Variants in CPA6 observed in about 807,000 individuals in gnomAD.
The protein encoded by CPA6 is carboxypeptidase A6, also known as carboxypeptidase B.
Under a neutral mutation model 63.3 loss-of-function variants are expected in CPA6, and 58 were observed. That is an observed-to-expected ratio of 0.92 (90% CI 0.74 to 1.14). The LOEUF (loss-of-function observed/expected upper bound fraction) is 1.14. CPA6 is among the 50% of genes most tolerant of loss of function. CPA6 has a pLI of 0.00. For missense variants in CPA6, 565 were observed against 526.6 expected, an observed-to-expected ratio of 1.07 and a Z score of -0.71; for synonymous variants, 185 against 179.0, an observed-to-expected ratio of 1.03 and a Z score of -0.27.
chr8:67,736,176 T>C (rs963224200), intron 1 of CPA6, among the ~76,000 whole-genome samples: 4 of 152,182 alleles, frequency 2.6e-5, no homozygotes, highest in African/African-American at 9.7e-5. Flanking sequence ...CTGTGGTCTT[T>C]CCTTTATCAC....
In CPA6 at chr8:67,471,959, C is replaced by T. The variant is rs537880967; in HGVS notation, c.838+11809G>A. ...AGCACTTATATAGGCATGAAATTTA[C>T]GAAAATAAAAAATAGCATGACTTCT... On this transcript the variant is annotated intron_variant, in intron 8 of 10. Transcript: ENST00000297770. Among the ~76,000 whole-genome samples the T allele has an allele frequency of 1.7e-4, 26 of 151,848 alleles. No individual in the cohort carries two copies. In the East Asian group the frequency reaches 2.3e-3, roughly 14 times the overall value.
rs555013497 is a variant in CPA6, at chr8:67,525,336, A to C, written c.193-7289T>G. ...CATTAAAGAAAAATGAAAATATATC[A>C]ACTAACAACTAATTAGGCGTTGAAA... On this transcript the variant is annotated intron_variant, in intron 2 of 10. Transcript: ENST00000297770. Among the ~76,000 whole-genome samples the C allele has an allele frequency of 5.9e-5, 9 of 152,354 alleles. No individual in the cohort carries two copies. The South Asian group carries it at 1.7e-3, about 28-fold the overall frequency.
intron 2 of CPA6, among the ~76,000 whole-genome samples, chr8:67,559,051 G>C (rs1813136882): frequency 6.6e-6 from 1 of 152,178 alleles, no homozygotes; most frequent in Non-Finnish European, 1.5e-5. Flanking sequence ...TGGGGCCCAT[G>C]TGAATCAGAG....
chr8:67,722,308 G>A (rs1229768430), intron 1 of CPA6, among the ~76,000 whole-genome samples: 2 of 152,114 alleles, frequency 1.3e-5, no homozygotes, highest in African/African-American at 2.4e-5. Flanking sequence ...AGAACCACCT[G>A]GTAATCACTG....
chr8:67,573,031 A>C (rs930523229), intron 2 of CPA6, among the ~76,000 whole-genome samples: 2 of 152,258 alleles, frequency 1.3e-5, no homozygotes, highest in Non-Finnish European at 2.9e-5. Context: ...AAGCATGATT[A>C]TTTCTTTAAA....
chr8:67,644,593 T>C (rs450738), intron 1 of CPA6, among the ~76,000 whole-genome samples: 57,339 of 152,096 alleles, frequency 0.38, 11,179 homozygotes, highest in South Asian at 0.48. Flanking sequence ...GTTCTTGCTG[T>C]TAGATATACA....
intron 8 of CPA6, among the ~76,000 whole-genome samples, chr8:67,437,633 A>G (rs1810191790): frequency 6.6e-6 from 1 of 152,204 alleles, no homozygotes; most frequent in Admixed American, 6.5e-5. Context: ...AAATAGGGAC[A>G]AGGAGTTATA....
rs1244793941 is a variant in CPA6 at position 67,518,494 on chromosome 8, TTTTTC to T, written c.193-452_193-448del. ...TCTCTCATTCTTGGTCTTTTTTTTCTTTTTCTTTTCTTTTCTTTTTTTTTTTTTTT... is the reference window on the plus strand; with the variant it reads ...TCTCTCATTCTTGGTCTTTTTTTTCTTTTTCTTTTCTTTTTTTTTTTTTTT... On this transcript the variant is annotated intron_variant, in intron 2 of 10. Transcript: ENST00000297770. 4.1e-5 allele frequency among the ~76,000 whole-genome samples: 6 copies of T among 146,380 alleles called. No individual in the cohort carries two copies. The East Asian group carries it at 6.0e-4, about 15-fold the overall frequency.
intron 2 of CPA6, among the ~76,000 whole-genome samples, chr8:67,599,653 T>C (rs575210537): frequency 3.3e-5 from 5 of 152,230 alleles, no homozygotes; most frequent in Non-Finnish European, 7.3e-5. Context: ...TTGGTAAGAA[T>C]TTGAAAGCTC....
chr8:67,455,463 T>C (rs1810650403), intron 8 of CPA6, among the ~76,000 whole-genome samples: 1 of 151,994 alleles, frequency 6.6e-6, no homozygotes, highest in Non-Finnish European at 1.5e-5. Context: ...TAATATACTT[T>C]TGTAAAGAAG....
intron 8 of CPA6, among the ~76,000 whole-genome samples, chr8:67,475,818 C>CTTTCCTTTCT (rs1811181123): frequency 7.3e-5 from 2 of 27,394 alleles, no homozygotes. Flanking sequence ...TCTTTCTTTC[C>CTTTCCTTTCT]TTTCTTTTCT....
chr8:67,558,949 CTTCTT>C (rs1362707207), intron 2 of CPA6, among the ~76,000 whole-genome samples: 1 of 152,160 alleles, frequency 6.6e-6, no homozygotes, highest in Admixed American at 6.5e-5. Context: ...TTGGTGAAAT[CTTCTT>C]TTAACAAAGC....
intron 2 of CPA6, among the ~76,000 whole-genome samples, chr8:67,559,843 G>A (rs1359601854): frequency 8.4e-6 from 1 of 119,608 alleles, no homozygotes; most frequent in Non-Finnish European, 1.9e-5. Context: ...CTGCTAATAA[G>A]TTGGACAAAA....
intron 2 of CPA6, among the ~76,000 whole-genome samples, chr8:67,591,937 A>G (rs372562676): frequency 9.1e-4 from 138 of 152,196 alleles, no homozygotes; most frequent in African/African-American, 3.0e-3. Flanking sequence ...AATAGGAGTG[A>G]TGAGAGAGGG....
chr8:67,596,173 C>T (rs186394558), intron 2 of CPA6, among the ~76,000 whole-genome samples: 146 of 152,244 alleles, frequency 9.6e-4, no homozygotes, highest in African/African-American at 3.2e-3. Flanking sequence ...TACCTTCTCC[C>T]GAGGAACACC....
intron 2 of CPA6, among the ~76,000 whole-genome samples, chr8:67,566,843 T>C (rs1203025308): frequency 4.6e-5 from 7 of 152,220 alleles, no homozygotes; most frequent in Non-Finnish European, 1.0e-4. Context: ...TTAATATTCA[T>C]GTACTGCAGA....
chr8:67,431,024 G>C (rs778736313), intron 9 of CPA6, among the ~76,000 whole-genome samples: 27 of 152,024 alleles, frequency 1.8e-4, no homozygotes, highest in Non-Finnish European at 3.4e-4. Context: ...ACTATGCCTG[G>C]CTAATTTTTA....
At position 67,663,639 on chromosome 8, in the gene CPA6, C is replaced by T. The variant is rs545126755; in HGVS notation, c.117-39388G>A. Reference sequence around the variant, plus strand: ...CATGAGGTGTTTGGTTTTCTCTTCCCGCGTTAGTTGGCTGGGGATAATGGC... The same window carrying T: ...CATGAGGTGTTTGGTTTTCTCTTCCTGCGTTAGTTGGCTGGGGATAATGGC... On this transcript the variant is annotated intron_variant, in intron 1 of 10. Transcript: ENST00000297770. Among the ~76,000 whole-genome samples, 28 of 152,224 alleles carry T rather than the reference C, an allele frequency of 1.8e-4. 1 individual carries two copies. Among genetic ancestry groups the T allele is most frequent in the Middle Eastern group, 3.4e-3 (1 of 294 alleles).
intron 2 of CPA6, among the ~76,000 whole-genome samples, chr8:67,608,900 T>C (rs1814734919): frequency 6.6e-6 from 1 of 152,208 alleles, no homozygotes; most frequent in Non-Finnish European, 1.5e-5. Flanking sequence ...CTTAACTAAT[T>C]GTAGGGAAGG....
Sources: gnomAD v4.1 joint callset for allele counts (sites outside exome capture counted in the v4.1 genomes callset) on GRCh38, gnomAD v4.1.1 for gene constraint, MANE v1.5 for transcripts, NCBI Gene and HGNC (gene_info 2026-07-23, HGNC 2026-07-21) for gene names.